The following TMEM132D variants were observed in gnomAD, a reference collection of about 807,000 sequenced individuals.
The protein encoded by TMEM132D is transmembrane protein 132D, also known as mature OL transmembrane protein.
Under a neutral mutation model 62.3 loss-of-function variants are expected in TMEM132D, and 21 were observed. The ratio of observed to expected loss-of-function variants is 0.34; its 90% CI spans 0.24 to 0.49. The LOEUF is 0.49. Among genes scored for constraint, TMEM132D ranks in the 20% least tolerant of loss-of-function variants. The probability of loss-of-function intolerance (pLI) is 0.99; values close to 1 mark genes in which losing one functional copy is unlikely to be tolerated. For synonymous variants in TMEM132D, 621 were observed against 575.6 expected, an observed-to-expected ratio of 1.08 and a Z score of -1.13; for missense variants, 1,346 against 1,402.8, an observed-to-expected ratio of 0.96 and a Z score of 0.65.
intron 2 of TMEM132D, among the ~76,000 whole-genome samples, chr12:129,664,418 A>G (rs1018757322): frequency 7.8e-6 from 1 of 128,100 alleles, no homozygotes; most frequent in Non-Finnish European, 1.6e-5. Context: ...TACAATTACA[A>G]GAATTTTTTT....
At chr12:129,119,638 C>T (rs1222853416) in intron 5 of TMEM132D, among the ~76,000 whole-genome samples, 1 of 152,064 alleles carries the variant, frequency 6.6e-6, no homozygotes, top group Non-Finnish European at 1.5e-5. Context: ...CCAAATTCAG[C>T]ACTAACTAGA....
At chr12:129,666,460 T>A (rs1037873667) in intron 2 of TMEM132D, among the ~76,000 whole-genome samples, 1 of 152,310 alleles carries the variant, frequency 6.6e-6, no homozygotes, top group Middle Eastern at 3.4e-3. Flanking sequence ...ATAAAGATAG[T>A]TTTAAAGATT....
chr12:129,850,461 G>A (rs527776847), intron 1 of TMEM132D, among the ~76,000 whole-genome samples: 29 of 152,306 alleles, frequency 1.9e-4, no homozygotes, highest in African/African-American at 7.0e-4. Context: ...ATGTGGGTGG[G>A]GCAAAAATGT....
At chr12:129,537,919 A>T (rs1876447919) in intron 2 of TMEM132D, among the ~76,000 whole-genome samples, 1 of 105,702 alleles carries the variant, frequency 9.5e-6, no homozygotes. Flanking sequence ...AGAAAGCACA[A>T]AATACACTAA....
intron 1 of TMEM132D, among the ~76,000 whole-genome samples, chr12:129,822,999 C>T (rs2137326655): frequency 6.6e-6 from 1 of 152,276 alleles, no homozygotes; most frequent in South Asian, 2.1e-4. Flanking sequence ...GCAGATTTCT[C>T]ATGAATGGTT....
At chr12:129,184,223 C>T (rs1009133495) in intron 5 of TMEM132D, among the ~76,000 whole-genome samples, 6 of 152,216 alleles carry the variant, frequency 3.9e-5, no homozygotes, top group Middle Eastern at 3.4e-3. Context: ...GCCATGCAGG[C>T]GGAGGGGCAT....
rs554322586 is a variant in TMEM132D at position 129,233,263 on chromosome 12, C to T, written c.1300-23600G>A. 2.0e-5 allele frequency among the ~76,000 whole-genome samples: 3 copies of T among 152,188 alleles called. 1 individual carries two copies. Among genetic ancestry groups the T allele is most frequent in the South Asian group, 4.1e-4 (2 of 4,830 alleles). ...CAGCTGCTGAGTTCATCCCAGTATA[C>T]GCTATCATCATCTGCACGCAACAGT... On this transcript the variant is annotated intron_variant, in intron 4 of 8. Transcript: ENST00000422113.
intron 2 of TMEM132D, among the ~76,000 whole-genome samples, chr12:129,600,018 C>A (rs773647599): frequency 6.6e-6 from 1 of 152,114 alleles, no homozygotes; most frequent in Non-Finnish European, 1.5e-5. Flanking sequence ...TCAATGGACT[C>A]GTCTTTTGAC....
intron 3 of TMEM132D, among the ~76,000 whole-genome samples, chr12:129,417,048 T>C (rs1300032925): frequency 6.6e-6 from 1 of 152,226 alleles, no homozygotes. Flanking sequence ...GGTATCAGAA[T>C]GATGCTGGCT....
intron 3 of TMEM132D, among the ~76,000 whole-genome samples, chr12:129,464,176 G>A (rs866447846): frequency 6.6e-6 from 1 of 151,316 alleles, no homozygotes; most frequent in Non-Finnish European, 1.5e-5. Flanking sequence ...TCTCACTGGT[G>A]TGAGATGGTA....
At chr12:129,464,153 T>G (rs1362157579) in intron 3 of TMEM132D, among the ~76,000 whole-genome samples, 12 of 150,622 alleles carry the variant, frequency 8.0e-5, no homozygotes, top group Non-Finnish European at 1.5e-4. Context: ...CCTGACTTTT[T>G]AATGATTGCC....
chr12:129,473,115 G>A (rs938473692), intron 3 of TMEM132D, among the ~76,000 whole-genome samples: 4 of 151,720 alleles, frequency 2.6e-5, no homozygotes, highest in Non-Finnish European at 4.4e-5. Flanking sequence ...CACCTGCCTC[G>A]GCCTCCCAAG....
chr12:129,176,905 T>C (rs1308144742), intron 5 of TMEM132D, among the ~76,000 whole-genome samples: 1 of 152,214 alleles, frequency 6.6e-6, no homozygotes, highest in Non-Finnish European at 1.5e-5. Flanking sequence ...TGAGAACAAA[T>C]GCTGCGATTT....
chr12:129,407,613 T>C (rs756556450), intron 3 of TMEM132D, among the ~76,000 whole-genome samples: 2 of 152,086 alleles, frequency 1.3e-5, no homozygotes, highest in African/African-American at 2.4e-5. Context: ...AAGTTAAAAA[T>C]CAGCTAATTT....
At chr12:129,794,679 T>C (rs967811192) in intron 1 of TMEM132D, among the ~76,000 whole-genome samples, 2 of 152,224 alleles carry the variant, frequency 1.3e-5, no homozygotes, top group Non-Finnish European at 2.9e-5. Flanking sequence ...TCCTTCAGTT[T>C]TGGGCATTTT....
At chr12:129,787,888 AGAG>A (rs1481768977) in intron 1 of TMEM132D, among the ~76,000 whole-genome samples, 3 of 152,204 alleles carry the variant, frequency 2.0e-5, no homozygotes, top group Non-Finnish European at 1.5e-5. Flanking sequence ...GCTGCAGGAC[AGAG>A]GAGGGGCCCG....
At chr12:129,626,436 G>C (rs775619071) in intron 2 of TMEM132D, among the ~76,000 whole-genome samples, 12 of 150,964 alleles carry the variant, frequency 7.9e-5, no homozygotes, top group Non-Finnish European at 1.6e-4. Context: ...CTACTCAATT[G>C]TACTTTTTTT....
chr12:129,082,679 A>G (rs565853488), intron 6 of TMEM132D, among the ~76,000 whole-genome samples: 34 of 152,326 alleles, frequency 2.2e-4, no homozygotes, highest in Middle Eastern at 3.4e-3. Context: ...CAGAAGACCC[A>G]GCTCAGCCAT....
chr12:129,655,137 T>C (rs1383666325), intron 2 of TMEM132D, among the ~76,000 whole-genome samples: 2 of 151,864 alleles, frequency 1.3e-5, no homozygotes, highest in South Asian at 2.1e-4. Flanking sequence ...TTAGTAGAGA[T>C]GGGGTTTCAC....
Sources: gnomAD v4.1 joint callset for allele counts (sites outside exome capture counted in the v4.1 genomes callset) on GRCh38, gnomAD v4.1.1 for gene constraint, MANE v1.5 for transcripts, NCBI Gene and HGNC (gene_info 2026-07-23, HGNC 2026-07-21) for gene names.